ZNF560: variants seen among roughly 807,000 people sequenced by gnomAD.
ZNF560 encodes the protein zinc finger protein 560.
In ZNF560, 54 loss-of-function variants were observed where a neutral mutation model predicts 81.8. The observed-to-expected ratio is 0.66, with a 90% CI of 0.53 to 0.83. The LOEUF (loss-of-function observed/expected upper bound fraction) is 0.83. Among genes scored for constraint, ZNF560 ranks in the 40% least tolerant of loss-of-function variants. The pLI, the probability that ZNF560 is intolerant of heterozygous loss-of-function variation, is 0.00. For missense variants in ZNF560, 940 were observed against 932.4 expected (o/e 1.01, Z -0.11); for synonymous variants, 321 against 317.9 (o/e 1.01, Z -0.10).
the ZNF560 span, among the ~76,000 whole-genome samples, chr19:9,452,540 T>C: frequency 6.6e-6 from 1 of 152,144 alleles, no homozygotes; most frequent in Non-Finnish European, 1.5e-5. Context: ...GAAAACGTAG[T>C]ACATATACAC....
downstream of ZNF560, among the ~76,000 whole-genome samples, chr19:9,466,191 A>G (rs573233207): frequency 6.6e-6 from 1 of 151,824 alleles, no homozygotes; most frequent in Non-Finnish European, 1.5e-5. Context: ...CCAAAAATAT[A>G]AAAAATTAGC....
rs2073118320 is a variant in ZNF560 at position 9,471,396 on chromosome 19, ACT to A, written c.239-20_239-19del. 2 of 1,512,810 alleles carry A rather than the reference ACT, an allele frequency of 1.3e-6. No homozygotes were observed. Among genetic ancestry groups the A allele is most frequent in the Non-Finnish European group, 1.8e-6 (2 of 1,135,730 alleles). The allele number at this position is 1,512,810 out of a possible 1,614,324, so 93.7% of individuals were successfully genotyped here. On this transcript the variant is annotated intron_variant, in intron 5 of 9. Transcript: ENST00000301480. ...TGCCCAGTCTGAAACAAAAACATAA[ACT>A]GAGGTTTTTTTTTTTTTTAAAAAAA...
At position 9,498,547 on chromosome 19, in the gene ZNF560, G is replaced by A. The variant is rs2073599006; in HGVS notation, c.-154C>T. The A allele has an allele frequency of 6.6e-6, 1 of 152,280 alleles. No individual in the cohort carries two copies. The highest frequency in any genetic ancestry group is 1.5e-5 in the Non-Finnish European group (1 of 68,094). 9.4% of individuals were successfully genotyped at this position (152,280 alleles called of 1,614,324 possible). ...TCCACACGAGCCTCACCAAAGTAGT[G>A]AACGACCAGACAACACAAAGGAAAA... On this transcript the variant is annotated 5_prime_UTR_variant, in exon 1 of 10. Coordinates refer to ENST00000301480, the MANE Select transcript of ZNF560 (RefSeq NM_152476.3).
At chr19:9,462,970 A>C (rs182024960), downstream of ZNF560, among the ~76,000 whole-genome samples, 2 of 152,334 alleles carry the variant, frequency 1.3e-5, no homozygotes, top group African/African-American at 4.8e-5. Context: ...CCTTTTAAAA[A>C]TCTACAGCAA....
Position 9,469,703 on chromosome 19 carries a change from C to G in ZNF560, c.456G>C (p.Gln152His). The change falls in exon 8 of 10, where the codon CAG (glutamine) becomes CAC (histidine). Residue 152 changes from glutamine (Q) to histidine (H), a missense_variant. Transcript: ENST00000301480. ...AAGAGATCAGACTGGGTTTGAAGAGCTGGTAACCTGTACACAGGGAAAGAT... is the reference window on the plus strand; with the variant it reads ...AAGAGATCAGACTGGGTTTGAAGAGGTGGTAACCTGTACACAGGGAAAGAT... ...NYKNLSSVGY[Q>H]LFKPSLISWL... is the part of the protein sequence containing the mutation. 1 of 1,614,160 alleles carries G rather than the reference C, an allele frequency of 6.2e-7. No individual in the cohort carries two copies.
At position 9,479,009 on chromosome 19, in the gene ZNF560, T is replaced by C. The variant is rs572810068; in HGVS notation, c.-56-3640A>G. Among the ~76,000 whole-genome samples the C allele has an allele frequency of 9.2e-5, 14 of 151,938 alleles. No individual in the cohort carries two copies. In the East Asian group the frequency reaches 2.5e-3, roughly 27 times the overall value. On this transcript the variant is annotated intron_variant, in intron 2 of 9. Transcript: ENST00000301480. ...GGCGAAACCTTGCCTCTACTAAAAATACAAAAATTAGCCAGGCATGGTGAC... is the reference window on the plus strand; with the variant it reads ...GGCGAAACCTTGCCTCTACTAAAAACACAAAAATTAGCCAGGCATGGTGAC...
At chr19:9,482,282 G>A (rs1306293118) in intron 2 of ZNF560, among the ~76,000 whole-genome samples, 1 of 152,030 alleles carries the variant, frequency 6.6e-6, no homozygotes, top group Admixed American at 6.6e-5. Flanking sequence ...TGTGGGGTGG[G>A]GGTATGGGGG....
chr19:9,468,408 C>A, intron 9 of ZNF560, 74 bp from the exon 10 acceptor site: 1 of 1,166,936 alleles, frequency 8.6e-7, no homozygotes, highest in Non-Finnish European at 1.2e-6. Flanking sequence ...TTCTAAGAAA[C>A]ATGATAATTA....
chr19:9,455,456 G>A, the ZNF560 span, among the ~76,000 whole-genome samples: 1 of 152,208 alleles, frequency 6.6e-6, no homozygotes, highest in Admixed American at 6.5e-5. Context: ...ACTTTTGAGA[G>A]TTGGTGGCTG....
chr19:9,470,248 T>C (rs776508952), intron 7 of ZNF560, 144 bp downstream of exon 7: 4 of 840,676 alleles, frequency 4.8e-6, no homozygotes, highest in Non-Finnish European at 7.3e-6. Flanking sequence ...TGTTATTTCC[T>C]ATTTTACTCA....
intron 5 of ZNF560, among the ~76,000 whole-genome samples, chr19:9,471,628 C>T (rs913749928): frequency 1.3e-5 from 2 of 152,004 alleles, no homozygotes; most frequent in Non-Finnish European, 2.9e-5. Context: ...AGAATGTTAT[C>T]AGAAAAGTAG....
intron 2 of ZNF560, among the ~76,000 whole-genome samples, chr19:9,477,650 T>C (rs10404996): frequency 0.15 from 23,325 of 152,182 alleles, 2,608 homozygotes; most frequent in African/African-American, 0.31. Flanking sequence ...ACTCTGCCCC[T>C]TATATTGACT....
At chr19:9,451,189 C>G in the ZNF560 span, among the ~76,000 whole-genome samples, 1 of 152,016 alleles carries the variant, frequency 6.6e-6, no homozygotes, top group South Asian at 2.1e-4. Flanking sequence ...GCAAAAAGAA[C>G]AAAACCAGAG....
intron 2 of ZNF560, among the ~76,000 whole-genome samples, chr19:9,484,105 A>T (rs1014595948): frequency 6.6e-6 from 1 of 152,148 alleles, no homozygotes; most frequent in South Asian, 2.1e-4. Context: ...ATGCTCGTTA[A>T]GAGTCATCAC....
intron 2 of ZNF560, among the ~76,000 whole-genome samples, chr19:9,478,180 T>C (rs1324763365): frequency 6.6e-6 from 1 of 152,036 alleles, no homozygotes; most frequent in Non-Finnish European, 1.5e-5. Flanking sequence ...CGAGTTCCAA[T>C]AAGGTTATGA....
chr19:9,469,726 G>T lies in ZNF560; in HGVS notation c.449-16C>A. 1 of 1,612,468 alleles carries T rather than the reference G, an allele frequency of 6.2e-7. No individual in the cohort carries two copies. Among genetic ancestry groups the T allele is most frequent in the African/African-American group, 1.3e-5 (1 of 75,038 alleles). On this transcript the variant is annotated splice_polypyrimidine_tract_variant and intron_variant, in intron 7 of 9. Coordinates refer to ENST00000301480, the MANE Select transcript of ZNF560 (RefSeq NM_152476.3). The stretch of plus-strand genomic sequence containing the variant: ...AGCTGGTAACCTGTACACAGGGAAA[G>T]ATACACCAATGGAAGAGGCTCATGC...
intron 2 of ZNF560, among the ~76,000 whole-genome samples, chr19:9,490,932 T>C (rs1395869225): frequency 1.3e-5 from 2 of 152,184 alleles, no homozygotes; most frequent in East Asian, 3.8e-4. Flanking sequence ...ATTCTCCTGT[T>C]TTCCACCGAA....
rs762574098 is a variant in ZNF560 at position 9,466,840 on chromosome 19, A to G, written c.2107T>C (p.Leu703=). The G allele has an allele frequency of 2.2e-5, 36 of 1,613,956 alleles. No individual in the cohort carries two copies. The highest frequency in any genetic ancestry group is 3.0e-5 in the Non-Finnish European group (35 of 1,180,000). ...FRNSMCFHDR[L]KTLTKIKPYK... ...GGTTTTATTTTGGTGAGAGTTTTTA[A>G]GCGATCATGAAAGCACATGGAATTT... The change falls in exon 10 of 10, where the codon TTA becomes CTA. Residue 703 remains leucine (L), a synonymous_variant. Coordinates refer to ENST00000301480, the MANE Select transcript of ZNF560 (RefSeq NM_152476.3).
intron 2 of ZNF560, among the ~76,000 whole-genome samples, chr19:9,478,896 G>A (rs963379787): frequency 1.3e-5 from 2 of 152,172 alleles, no homozygotes; most frequent in Non-Finnish European, 2.9e-5. Flanking sequence ...CAGGTGCAGT[G>A]CCTCATGCCA....
Sources: gnomAD v4.1 joint callset for allele counts (sites outside exome capture counted in the v4.1 genomes callset) on GRCh38, gnomAD v4.1.1 for gene constraint, MANE v1.5 for transcripts, NCBI Gene and HGNC (gene_info 2026-07-23, HGNC 2026-07-21) for gene names.